IFNAR1: variants seen among roughly 807,000 people sequenced by gnomAD.
IFNAR1 encodes interferon alpha and beta receptor subunit 1.
Under a neutral mutation model 62.1 loss-of-function variants are expected in IFNAR1, and 47 were observed. The observed-to-expected ratio is 0.76, with a 90% CI of 0.60 to 0.97. The LOEUF is 0.97. Ranked by LOEUF, IFNAR1 falls within the 50% of genes least tolerant of loss-of-function variation. IFNAR1 has a pLI of 0.00. For synonymous variants in IFNAR1, 219 were observed against 226.9 expected (o/e 0.97, Z 0.31); for missense variants, 638 against 654.5 (o/e 0.97, Z 0.27).
In IFNAR1 at chr21:33,358,432, CATT is replaced by C. The variant is rs2083469598; in HGVS notation, c.*2885_*2887del. ...AAGAATTTATATGAAAGATTTGTAT[CATT>C]AGAGCCAGAAATAATTTTATATTAA... On this transcript the variant is annotated 3_prime_UTR_variant, in exon 11 of 11. Transcript: ENST00000270139. 1 of 151,962 alleles carries C rather than the reference CATT, an allele frequency of 6.6e-6. No homozygotes were observed. Among genetic ancestry groups the C allele is most frequent in the Non-Finnish European group, 1.5e-5 (1 of 68,002 alleles). The allele number at this position is 151,962 out of a possible 1,614,324, so 9.4% of individuals were successfully genotyped here.
intron 6 of IFNAR1, among the ~76,000 whole-genome samples, chr21:33,347,032 G>A (rs1346417592): frequency 2.6e-5 from 4 of 152,008 alleles, no homozygotes; most frequent in African/African-American, 4.8e-5. Flanking sequence ...CTTGGGGGCC[G>A]CTCCCAAGCT....
chr21:33,329,657 T>C (rs1489006499), intron 1 of IFNAR1, among the ~76,000 whole-genome samples: 2 of 152,182 alleles, frequency 1.3e-5, no homozygotes, highest in East Asian at 3.8e-4. Flanking sequence ...GTAGGAACCA[T>C]AAATGAATTT....
chr21:33,349,439 C>T lies in IFNAR1; in HGVS notation c.1039C>T (p.His347Tyr). ...FNIRSLSDSF[H>Y]IYIGAPKQSG... Reference sequence around the variant, plus strand: ...CATTAGATCCCTTAGTGATTCATTCCATATCTATATCGGTGCTCCAAAACA... The same window carrying T: ...CATTAGATCCCTTAGTGATTCATTCTATATCTATATCGGTGCTCCAAAACA... Residue 347 changes from histidine (H) to tyrosine (Y), a missense_variant, in exon 8 of 11, where the codon CAT becomes TAT. Transcript: ENST00000270139. 6.2e-7 allele frequency: 1 copy of T among 1,611,058 alleles called. No individual in the cohort carries two copies. Among genetic ancestry groups the T allele is most frequent in the Non-Finnish European group, 8.5e-7 (1 of 1,177,710 alleles).
intron 2 of IFNAR1, among the ~76,000 whole-genome samples, chr21:33,338,125 C>T (rs1371225649): frequency 6.6e-6 from 1 of 152,126 alleles, no homozygotes; most frequent in African/African-American, 2.4e-5. Context: ...AGAAAACATA[C>T]AGTGGCCAAC....
chr21:33,352,634 A>C, intron 8 of IFNAR1, 124 bp from the exon 9 acceptor site: 1 of 535,332 alleles, frequency 1.9e-6, no homozygotes, highest in Non-Finnish European at 3.3e-6. Context: ...AACAAAACAA[A>C]AAATACATAC....
Position 33,325,122 on chromosome 21 carries a change from G to C in IFNAR1, c.67G>C (p.Ala23Pro). The change falls in exon 1 of 11, where the codon GCA (alanine) becomes CCA (proline). Residue 23 changes from alanine to proline, a missense_variant. Transcript: ENST00000270139. ...LVAVAPWVLSAAAGGKNLKSP... is the reference protein window; with the variant it reads ...LVAVAPWVLSPAAGGKNLKSP... ...CGCCGTGGCGCCATGGGTGTTGTCC[G>C]CAGCCGCAGGTGAGAGGCGGGGAGG... is the stretch of plus-strand genomic sequence containing the variant. 2 of 1,610,804 alleles carry C rather than the reference G, an allele frequency of 1.2e-6. No individual in the cohort carries two copies. The highest frequency in any genetic ancestry group is 1.7e-6 in the Non-Finnish European group (2 of 1,179,120).
At position 33,349,227 on chromosome 21, in the gene IFNAR1, G is replaced by A. The variant is rs759047804; in HGVS notation, c.925G>A (p.Ala309Thr). ...QKGIYLLRVQ[A>T]SDGNNTSFWS... ...AGGAATTTACCTTCTCCGCGTACAA[G>A]CATCTGATGGAAATAACACATCTTT... The change falls in exon 7 of 11, where the codon GCA becomes ACA. Residue 309 changes from alanine (A) to threonine (T), a missense_variant. Transcript: ENST00000270139. 2.5e-6 allele frequency: 4 copies of A among 1,613,474 alleles called. No individual in the cohort carries two copies. In the Admixed American group the frequency reaches 5.0e-5, roughly 20 times the overall value.
chr21:33,324,966 G>C, upstream of IFNAR1: 1 of 1,170,404 alleles, frequency 8.5e-7, no homozygotes, highest in Non-Finnish European at 1.2e-6. Context: ...GTGTGCAGAG[G>C]GGCGGTGTGA....
At chr21:33,353,211 T>C (rs1213225471) in intron 9 of IFNAR1, among the ~76,000 whole-genome samples, 1 of 152,248 alleles carries the variant, frequency 6.6e-6, no homozygotes. Context: ...ATATAATCCT[T>C]AACATAATTA....
rs17875884 is a variant in IFNAR1, at chr21:33,351,857, C to A, written c.1144-901C>A. 4.6e-3 allele frequency among the ~76,000 whole-genome samples: 706 copies of A among 152,128 alleles called. 2 individuals carry two copies. The highest frequency in any genetic ancestry group is 7.3e-3 in the Non-Finnish European group (495 of 68,004). ...TACAGGCTCACACCACCATGCCTGG[C>A]CAATTTTTTTGAAATTTCTTGTACA... On this transcript the variant is annotated intron_variant, in intron 8 of 10. Transcript: ENST00000270139.
intron 3 of IFNAR1, among the ~76,000 whole-genome samples, chr21:33,341,911 C>T (rs908711688): frequency 2.0e-5 from 3 of 152,150 alleles, no homozygotes; most frequent in African/African-American, 4.8e-5. Context: ...AAACTCCCAA[C>T]CTCAGGTGAT....
rs763023172 is a variant in IFNAR1 at position 33,353,777 on chromosome 21, A to G, written c.1434A>G (p.Ile478Met). The G allele has an allele frequency of 3.8e-6, 6 of 1,563,292 alleles. No individual in the cohort carries two copies. Among genetic ancestry groups the G allele is most frequent in the Non-Finnish European group, 5.2e-6 (6 of 1,160,114 alleles). The stretch of plus-strand genomic sequence containing the variant: ...CATCACTTAAACCTTCTTCCAGTAT[A>G]GATGAGGTATGTTACTTTTTTTATT... ...FFPSLKPSSSIDEYFSEQPLK... is the reference protein window; with the variant it reads ...FFPSLKPSSSMDEYFSEQPLK... The change falls in exon 10 of 11, where the codon ATA (isoleucine) becomes ATG (methionine). Residue 478 changes from isoleucine to methionine, a missense_variant. Physicochemically the swap from Ile to Met is conservative, Grantham distance 10. Transcript: ENST00000270139.
rs2083252824 is a variant in IFNAR1, at chr21:33,337,695, T to C, written c.200+2048T>C. ...CTATATATAATACATACTGTATACATACATATACACACATTGTGTATACAT... is the reference window on the plus strand; with the variant it reads ...CTATATATAATACATACTGTATACACACATATACACACATTGTGTATACAT... On this transcript the variant is annotated intron_variant, in intron 2 of 10. Transcript: ENST00000270139. Among the ~76,000 whole-genome samples, 2 of 141,246 alleles carry C rather than the reference T, an allele frequency of 1.4e-5. 1 individual carries two copies. The highest frequency in any genetic ancestry group is 4.3e-4 in the South Asian group (2 of 4,676). The allele number at this position is 141,246 out of a possible 152,430, so 92.7% of individuals were successfully genotyped here.
At chr21:33,350,334 A>T (rs549782360) in intron 8 of IFNAR1, among the ~76,000 whole-genome samples, 1 of 151,762 alleles carries the variant, frequency 6.6e-6, no homozygotes, top group East Asian at 1.9e-4. Context: ...GGGGACAAAA[A>T]TTGGTTCTTA....
chr21:33,334,051 A>G (rs2123664927), intron 1 of IFNAR1, among the ~76,000 whole-genome samples: 1 of 152,338 alleles, frequency 6.6e-6, no homozygotes, highest in South Asian at 2.1e-4. Flanking sequence ...GATTAAACAG[A>G]CATTAAGTCA....
At chr21:33,333,083 A>G (rs2083196991) in intron 1 of IFNAR1, among the ~76,000 whole-genome samples, 1 of 152,220 alleles carries the variant, frequency 6.6e-6, no homozygotes, top group African/African-American at 2.4e-5. Flanking sequence ...TCAAAGACAG[A>G]GAAAGAATTC....
intron 1 of IFNAR1, among the ~76,000 whole-genome samples, chr21:33,331,811 G>A (rs2083183879): frequency 6.6e-6 from 1 of 152,074 alleles, no homozygotes; most frequent in Non-Finnish European, 1.5e-5. Context: ...TGCTCCCCAG[G>A]CCCAAACCTC....
At position 33,335,540 on chromosome 21, in the gene IFNAR1, A is replaced by C. The variant is rs774975020; in HGVS notation, c.93A>C (p.Lys31Asn). The change falls in exon 2 of 11, where the codon AAA (lysine) becomes AAC (asparagine). Residue 31 changes from lysine (K) to asparagine (N), a missense_variant. Lys to Asn is a moderately conservative substitution (Grantham distance 94, BLOSUM62 0). Coordinates refer to ENST00000270139, the MANE Select transcript of IFNAR1 (RefSeq NM_000629.3). Reference protein sequence around the residue: ...LSAAAGGKNLKSPQKVEVDII... With the variant: ...LSAAAGGKNLNSPQKVEVDII... Reference sequence around the variant, plus strand: ...CTTTTATAGGTGGAAAAAATCTAAAATCTCCTCAAAAAGTAGAGGTCGACA... The same window carrying C: ...CTTTTATAGGTGGAAAAAATCTAAACTCTCCTCAAAAAGTAGAGGTCGACA... The C allele has an allele frequency of 3.8e-5, 61 of 1,594,302 alleles. No homozygotes were observed. The highest frequency in any genetic ancestry group is 5.1e-5 in the Non-Finnish European group (60 of 1,166,904).
chr21:33,339,612 A>G (rs1020339769), intron 2 of IFNAR1, among the ~76,000 whole-genome samples: 4 of 152,110 alleles, frequency 2.6e-5, no homozygotes, highest in African/African-American at 4.8e-5. Flanking sequence ...GGCTTAACAT[A>G]GGTAAAAGTT....
Sources: gnomAD v4.1 joint callset for allele counts (sites outside exome capture counted in the v4.1 genomes callset) on GRCh38, gnomAD v4.1.1 for gene constraint, MANE v1.5 for transcripts, NCBI Gene and HGNC (gene_info 2026-07-23, HGNC 2026-07-21) for gene names.